Variants in SRSF1 observed in about 807,000 individuals in gnomAD.
SRSF1 encodes serine and arginine rich splicing factor 1, also known as serine/arginine-rich splicing factor 1.
A neutral mutation model predicts 25.9 loss-of-function variants in SRSF1; 1 was observed. The observed-to-expected ratio is 0.04, with a 90% CI of 0.01 to 0.18. SRSF1 has a LOEUF of 0.18. SRSF1 is among the 10% of genes least tolerant of loss of function. The pLI is 1.00. For synonymous variants in SRSF1, 132 were observed against 126.2 expected (o/e 1.05, Z -0.31); for missense variants, 65 against 350.5 (o/e 0.19, Z 6.50).
chr17:58,005,196 A>C lies in SRSF1; in HGVS notation c.*210T>G, dbSNP rs2075418611. ...AGAGTATGGAGTTAACTAAATTTAAACAATCCTGTCTATGACATCACTTAA... is the reference window on the plus strand; with the variant it reads ...AGAGTATGGAGTTAACTAAATTTAACCAATCCTGTCTATGACATCACTTAA... On this transcript the variant is annotated 3_prime_UTR_variant, in exon 4 of 4. Coordinates refer to ENST00000258962, the MANE Select transcript of SRSF1 (RefSeq NM_006924.5). The surrounding 1 kb of genome is among the most constrained non-coding windows in gnomAD (Gnocchi z 5.2). The C allele has an allele frequency of 1.7e-6, 1 of 600,742 alleles. No homozygotes were observed. The highest frequency in any genetic ancestry group is 3.1e-5 in the Admixed American group (1 of 32,596). 37.2% of individuals were successfully genotyped at this position (600,742 alleles called of 1,614,324 possible).
Position 58,007,075 on chromosome 17 carries a change from A to T in SRSF1, c.63T>A (p.Gly21=). Residue 21 remains glycine (G), a synonymous_variant, in exon 1 of 4, where the codon GGT becomes GGA. Transcript: ENST00000258962. ...AGNNDCRIYV[G]NLPPDIRTKD... ...TGGTTCGGATGTCTGGAGGTAAGTT[A>T]CCCACGTAGATGCGGCAATCGTTGT... The T allele has an allele frequency of 1.2e-6, 2 of 1,614,170 alleles. No individual in the cohort carries two copies. Among genetic ancestry groups the T allele is most frequent in the Non-Finnish European group, 1.7e-6 (2 of 1,180,048 alleles).
At chr17:57,997,759 AG>A (rs1230174087), downstream of SRSF1, among the ~76,000 whole-genome samples, 1 of 152,222 alleles carries the variant, frequency 6.6e-6, no homozygotes, top group Non-Finnish European at 1.5e-5. Context: ...ACACATCTCT[AG>A]GTTAATCTAA....
chr17:57,997,550 GATAA>G (rs1337429218), downstream of SRSF1, among the ~76,000 whole-genome samples: 2 of 152,150 alleles, frequency 1.3e-5, no homozygotes, highest in Non-Finnish European at 2.9e-5. Flanking sequence ...TTGAGAACAG[GATAA>G]ATTGGAAAGG....
At position 58,007,221 on chromosome 17, in the gene SRSF1, G is replaced by C. The variant is rs2075437208; in HGVS notation, c.-84C>G. 6 of 1,514,146 alleles carry C rather than the reference G, an allele frequency of 4.0e-6. No individual in the cohort carries two copies. Among genetic ancestry groups the C allele is most frequent in the Non-Finnish European group, 5.4e-6 (6 of 1,110,906 alleles). 93.8% of individuals were successfully genotyped at this position (1,514,146 alleles called of 1,614,324 possible). On this transcript the variant is annotated 5_prime_UTR_variant, in exon 1 of 4. Coordinates refer to ENST00000258962, the MANE Select transcript of SRSF1 (RefSeq NM_006924.5). ...CAGAGCGAGCCCGCAGCGGCACCACGTCTCCCGCGGCCCCTCCAAAATGGC... is the reference window on the plus strand; with the variant it reads ...CAGAGCGAGCCCGCAGCGGCACCACCTCTCCCGCGGCCCCTCCAAAATGGC...
At chr17:58,006,067 C>T (rs2075424852) in intron 2 of SRSF1, 94 bp from the exon 3 acceptor site, 8 of 1,227,134 alleles carry the variant, frequency 6.5e-6, no homozygotes, top group Non-Finnish European at 9.0e-6. Flanking sequence ...CTTTAAAGTA[C>T]TTAATAGGTG....
chr17:58,006,765 C>T lies in SRSF1; in HGVS notation c.194+179G>A, dbSNP rs533830136. 5.0e-5 allele frequency: 46 copies of T among 913,260 alleles called. 1 individual carries two copies. In the South Asian group the frequency reaches 7.0e-4, roughly 14 times the overall value. 56.6% of individuals were successfully genotyped at this position (913,260 alleles called of 1,614,324 possible). On this transcript the variant is annotated intron_variant, in intron 1 of 3. Coordinates refer to ENST00000258962, the MANE Select transcript of SRSF1 (RefSeq NM_006924.5). The stretch of plus-strand genomic sequence containing the variant: ...GAATGGGCTCCGGGGACGTCCAAGG[C>T]GAGGCGCCAGAGAAGCCACATCAAC...
At chr17:57,998,955 G>A (rs1366730276), downstream of SRSF1, among the ~76,000 whole-genome samples, 2 of 152,226 alleles carry the variant, frequency 1.3e-5, no homozygotes, top group Non-Finnish European at 1.5e-5. Flanking sequence ...GTAAACAGGA[G>A]ACAAGTTTGT....
At chr17:57,997,372 T>C (rs925080022), downstream of SRSF1, among the ~76,000 whole-genome samples, 17 of 152,354 alleles carry the variant, frequency 1.1e-4, no homozygotes, top group African/African-American at 3.4e-4. Context: ...ACTTCTACAG[T>C]GCTTTGCTTT....
intron 1 of SRSF1, 123 bp from the exon 2 acceptor site, chr17:58,006,650 A>C (rs899069072): frequency 3.4e-6 from 4 of 1,191,278 alleles, no homozygotes; most frequent in African/African-American, 3.1e-5. Context: ...GCGCCGCATA[A>C]TAGGAATGGC....
At chr17:57,996,164 G>C (rs1348150746), downstream of SRSF1, among the ~76,000 whole-genome samples, 1 of 152,076 alleles carries the variant, frequency 6.6e-6, no homozygotes, top group African/African-American at 2.4e-5. Flanking sequence ...GGACATCTTA[G>C]AAGAAATGTC....
downstream of SRSF1, among the ~76,000 whole-genome samples, chr17:58,000,382 T>C (rs2075381759): frequency 6.6e-6 from 1 of 152,222 alleles, no homozygotes. Flanking sequence ...TGAACAGATG[T>C]TTCCTGATAA....
Position 58,000,962 on chromosome 17 carries a change from CTT to C in SRSF1, c.*4442_*4443del, listed in dbSNP as rs2075385442. ...TTTAATTAGCTCAACAACAGAAAATCTTTTGTTTTCGTAGTTTTTGGATTTCA... is the reference window on the plus strand; with the variant it reads ...TTTAATTAGCTCAACAACAGAAAATCTTGTTTTCGTAGTTTTTGGATTTCA... On this transcript the variant is annotated 3_prime_UTR_variant, in exon 4 of 4. Transcript: ENST00000258962. Among the ~76,000 whole-genome samples the C allele has an allele frequency of 1.3e-5, 2 of 152,096 alleles. No homozygotes were observed. The highest frequency in any genetic ancestry group is 2.4e-5 in the African/African-American group (1 of 41,440).
chr17:57,995,961 C>G (rs1349547021), downstream of SRSF1, among the ~76,000 whole-genome samples: 1 of 152,036 alleles, frequency 6.6e-6, no homozygotes, highest in Non-Finnish European at 1.5e-5. Flanking sequence ...AGAAACAGAG[C>G]AAGACCCTGT....
chr17:58,006,831 G>T, intron 1 of SRSF1, 113 bp downstream of exon 1: 1 of 1,307,922 alleles, frequency 7.6e-7, no homozygotes, highest in Non-Finnish European at 1.1e-6. Flanking sequence ...ATACAGTCTC[G>T]CCCCAACCTC....
At position 58,005,495 on chromosome 17, in the gene SRSF1, TGCTTCTGCTACG is replaced by T. The variant is rs766382386; in HGVS notation, c.646_657del (p.Arg216_Ser219del). ...GGGGAGTAACTGCGACTCCTGCTGT[TGCTTCTGCTACG>T]GCTTCTGCTACGACTACGGCTTCGA... On this transcript the variant is annotated inframe_deletion, in exon 4 of 4. Transcript: ENST00000258962. This position sits in a 1 kb window ranked among gnomAD's most constrained non-coding sequence, Gnocchi z 5.2. The T allele has an allele frequency of 3.7e-6, 6 of 1,614,102 alleles. No individual in the cohort carries two copies. Among genetic ancestry groups the T allele is most frequent in the African/African-American group, 1.3e-5 (1 of 74,934 alleles).
At chr17:57,996,775 G>C (rs2075367155), downstream of SRSF1, among the ~76,000 whole-genome samples, 1 of 152,130 alleles carries the variant, frequency 6.6e-6, no homozygotes, top group Admixed American at 6.5e-5. Flanking sequence ...GGGTCTCTTG[G>C]TTTTGAGAGA....
rs1392181027 is a variant in SRSF1 at position 58,001,873 on chromosome 17, T to C, written c.*3533A>G. Among the ~76,000 whole-genome samples the C allele has an allele frequency of 6.6e-6, 1 of 152,216 alleles. No homozygotes were observed. Among genetic ancestry groups the C allele is most frequent in the Non-Finnish European group, 1.5e-5 (1 of 68,024 alleles). The stretch of plus-strand genomic sequence containing the variant: ...CTCTCTAATCTTCAAATTCAGCCTG[T>C]ATAACAAGGAATACTGTCTCATTTC... On this transcript the variant is annotated 3_prime_UTR_variant, in exon 4 of 4. Coordinates refer to ENST00000258962, the MANE Select transcript of SRSF1 (RefSeq NM_006924.5).
downstream of SRSF1, among the ~76,000 whole-genome samples, chr17:58,000,168 T>C (rs2075380852): frequency 2.6e-5 from 4 of 152,188 alleles, no homozygotes; most frequent in African/African-American, 4.8e-5. Flanking sequence ...AATTAAAAAA[T>C]CCTTCCTTTA....
the SRSF1 span, chr17:57,991,742 ATTTGCCT>A: frequency 6.0e-5 from 9 of 150,110 alleles, no homozygotes; most frequent in African/African-American, 1.7e-4. Context: ...CTTTGAAGCC[ATTTGCCT>A]TTTGCCTTTG....
Sources: allele counts gnomAD v4.1 joint callset (sites outside exome capture counted in the v4.1 genomes callset), GRCh38; gene constraint gnomAD v4.1.1; non-coding constraint Gnocchi (gnomAD v3.1); transcripts MANE v1.5; gene names NCBI Gene and HGNC (gene_info 2026-07-23, HGNC 2026-07-21).